The following CARS2 variants were observed in gnomAD, a reference collection of about 807,000 sequenced individuals.
CARS2 encodes probable cysteine--tRNA ligase, mitochondrial.
Under a neutral mutation model 68.8 loss-of-function variants are expected in CARS2, and 52 were observed. The observed-to-expected ratio is 0.76, with a 90% CI of 0.61 to 0.95. The LOEUF (loss-of-function observed/expected upper bound fraction) is 0.95, where lower values mean the gene tolerates loss of function less well. Among genes scored for constraint, CARS2 ranks in the 40% least tolerant of loss-of-function variants. CARS2 has a pLI of 0.00. For synonymous variants in CARS2, 314 were observed against 303.6 expected, an observed-to-expected ratio of 1.03 and a Z score of -0.36; for missense variants, 780 against 754.2, an observed-to-expected ratio of 1.03 and a Z score of -0.40.
chr13:110,713,465 T>G (rs1406156940), exon 1 of CARS2: 1 of 990,062 alleles, frequency 1.0e-6, no homozygotes, highest in South Asian at 4.4e-5. Flanking sequence ...TCGCCCGCCG[T>G]CCACACCCCA....
chr13:110,650,914 A>G, intron 10 of CARS2, 120 bp downstream of exon 10: 3 of 734,458 alleles, frequency 4.1e-6, no homozygotes, highest in Non-Finnish European at 4.7e-6. Flanking sequence ...TAAGGCACAC[A>G]GCAGCCTCAC....
At position 110,663,120 on chromosome 13, in the gene CARS2, C is replaced by T. The variant is rs955342388; in HGVS notation, c.987+331G>A. ...ACCAGTAAGAGGTGGTGGGTGAGGGCGGGAAGGAAGTCAGCAGATGCACCA... is the reference window on the plus strand; with the variant it reads ...ACCAGTAAGAGGTGGTGGGTGAGGGTGGGAAGGAAGTCAGCAGATGCACCA... On this transcript the variant is annotated intron_variant, in intron 9 of 14. Coordinates refer to ENST00000257347, the MANE Select transcript of CARS2 (RefSeq NM_024537.4). The T allele has an allele frequency of 2.6e-5, 13 of 504,246 alleles. 1 individual carries two copies. Among genetic ancestry groups the T allele is most frequent in the Admixed American group, 1.8e-4 (8 of 43,648 alleles). The allele number at this position is 504,246 out of a possible 1,614,324, so 31.2% of individuals were successfully genotyped here. A position where few individuals can be genotyped will look rare whatever the true frequency, so the allele number is the denominator to read the frequency against.
At position 110,642,316 on chromosome 13, in the gene CARS2, TTGA is replaced by T. The variant is rs1340537305; in HGVS notation, c.1619_1621del (p.Ile540del). The T allele has an allele frequency of 6.5e-7, 1 of 1,549,326 alleles. No homozygotes were observed. Among genetic ancestry groups the T allele is most frequent in the Non-Finnish European group, 8.7e-7 (1 of 1,146,236 alleles). The stretch of plus-strand genomic sequence containing the variant: ...CCCTGACCTTGGTGCGGCACTCACC[TTGA>T]TGTTGATGCCGTGGGCAGTCAGGCC... On this transcript the variant is annotated inframe_deletion and splice_region_variant, in exon 14 of 15. Coordinates refer to ENST00000257347, the MANE Select transcript of CARS2 (RefSeq NM_024537.4).
At chr13:110,663,563 C>G in intron 8 of CARS2, 45 bp from the exon 9 acceptor site, 1 of 1,603,714 alleles carries the variant, frequency 6.2e-7, no homozygotes, top group South Asian at 1.1e-5. Context: ...GGTGAGGAGA[C>G]TCTCTGGCCT....
chr13:110,663,701 T>C, intron 8 of CARS2, 183 bp from the exon 9 acceptor site: 1 of 1,387,932 alleles, frequency 7.2e-7, no homozygotes, highest in Non-Finnish European at 9.3e-7. Context: ...AGACAGGACC[T>C]GCCCTTGTTC....
In CARS2 at chr13:110,679,549, AAAAG is replaced by A. The variant is rs796611242; in HGVS notation, c.656-2450_656-2447del. Among the ~76,000 whole-genome samples the A allele has an allele frequency of 1.0e-4, 11 of 108,316 alleles. No homozygotes were observed. In the South Asian group the frequency reaches 1.4e-3, roughly 14 times the overall value. 71.1% of individuals were successfully genotyped at this position (108,316 alleles called of 152,430 possible). Reference sequence around the variant, plus strand: ...CTATCTCAAAAAAACAAAAGAAAAGAAAAGAAAGAAAGAAAGAAAGAGAGAGAAA... The same window carrying A: ...CTATCTCAAAAAAACAAAAGAAAAGAAAAGAAAGAAAGAAAGAGAGAGAAA... On this transcript the variant is annotated intron_variant, in intron 6 of 14. Coordinates refer to ENST00000257347, the MANE Select transcript of CARS2 (RefSeq NM_024537.4).
In CARS2 at chr13:110,651,152, C is replaced by G. The variant is rs751045597; in HGVS notation, c.988-52G>C. 4 of 1,251,372 alleles carry G rather than the reference C, an allele frequency of 3.2e-6. No individual in the cohort carries two copies. The Admixed American group carries it at 7.0e-5, about 22-fold the overall frequency. 77.5% of individuals were successfully genotyped at this position (1,251,372 alleles called of 1,614,324 possible). A position where few individuals can be genotyped will look rare whatever the true frequency, so the allele number is the denominator to read the frequency against. On this transcript the variant is annotated intron_variant, in intron 9 of 14. Coordinates refer to ENST00000257347, the MANE Select transcript of CARS2 (RefSeq NM_024537.4). ...CGAGGCTTTGCTTTTACGCTTCGCACTGTTCAGAGAATATGTTACTTTCTA... is the reference window on the plus strand; with the variant it reads ...CGAGGCTTTGCTTTTACGCTTCGCAGTGTTCAGAGAATATGTTACTTTCTA...
chr13:110,694,029 T>C (rs2063551272), intron 3 of CARS2, among the ~76,000 whole-genome samples: 1 of 151,950 alleles, frequency 6.6e-6, no homozygotes, highest in African/African-American at 2.4e-5. Flanking sequence ...TTTTTTTGTT[T>C]TGTTTTTTAT....
rs1291928250 is a variant in CARS2 at position 110,641,619 on chromosome 13, A to T, written c.1624-11T>A. 2 of 1,611,032 alleles carry T rather than the reference A, an allele frequency of 1.2e-6. No homozygotes were observed. The highest frequency in any genetic ancestry group is 1.3e-5 in the African/African-American group (1 of 74,872). ...TGTACTGCTTCTGTCCTGGAGAAGAAGAGTGAGGTCCAACTCTGAGCAGAC... is the reference window on the plus strand; with the variant it reads ...TGTACTGCTTCTGTCCTGGAGAAGATGAGTGAGGTCCAACTCTGAGCAGAC... On this transcript the variant is annotated splice_polypyrimidine_tract_variant and intron_variant, in intron 14 of 14. Coordinates refer to ENST00000257347, the MANE Select transcript of CARS2 (RefSeq NM_024537.4).
At chr13:110,712,575 C>A (rs966224868) in intron 1 of CARS2, 2 of 331,364 alleles carry the variant, frequency 6.0e-6, no homozygotes. Flanking sequence ...GCAACGGGCT[C>A]GCGTGGCGTC....
At chr13:110,708,370 G>A (rs1436899977), upstream of CARS2, among the ~76,000 whole-genome samples, 1 of 152,218 alleles carries the variant, frequency 6.6e-6, no homozygotes, top group Non-Finnish European at 1.5e-5. Flanking sequence ...GAGAACACAC[G>A]AATTCAAGGA....
At chr13:110,687,908 G>A (rs2063349289) in intron 4 of CARS2, 39 bp downstream of exon 4, 1 of 1,582,066 alleles carries the variant, frequency 6.3e-7, no homozygotes, top group Non-Finnish European at 8.7e-7. Context: ...GCTCACGCCT[G>A]TCACCCTCAT....
chr13:110,650,934 T>C (rs2139699634), intron 10 of CARS2, 100 bp downstream of exon 10: 2 of 836,546 alleles, frequency 2.4e-6, no homozygotes, highest in South Asian at 1.5e-5. Flanking sequence ...CTCAACAAGG[T>C]TCTGCTTATT....
chr13:110,654,607 C>T (rs2062312864), intron 9 of CARS2, among the ~76,000 whole-genome samples: 1 of 151,756 alleles, frequency 6.6e-6, no homozygotes, highest in South Asian at 2.1e-4. Flanking sequence ...AATCTAGTTG[C>T]CATTCTTCAC....
rs1178279458 is a variant in CARS2 at position 110,646,015 on chromosome 13, G to T, written c.1269C>A (p.Ile423=). The T allele has an allele frequency of 9.9e-6, 16 of 1,613,894 alleles. No individual in the cohort carries two copies. Among genetic ancestry groups the T allele is most frequent in the Non-Finnish European group, 1.3e-5 (15 of 1,179,984 alleles). ...DFDTPRVVDA[I]LGLAHHGNGQ... is the part of the protein sequence containing the mutation. ...CATTCCCGTGGTGTGCAAGGCCCAG[G>T]ATGGCATCAACCACCCTGGGTGTGT... The change falls in exon 12 of 15, where the codon ATC becomes ATA. Residue 423 remains isoleucine, a synonymous_variant. Transcript: ENST00000257347.
chr13:110,664,991 G>A (rs2062610010), intron 8 of CARS2: 1 of 984,928 alleles, frequency 1.0e-6, no homozygotes, highest in Admixed American at 6.1e-5. Flanking sequence ...CTAACAGGCT[G>A]GGATAGTGTC....
At chr13:110,651,006 G>A (rs189897575) in intron 10 of CARS2, 28 bp downstream of exon 10, 9 of 1,557,332 alleles carry the variant, frequency 5.8e-6, no homozygotes, top group African/African-American at 2.7e-5. Flanking sequence ...GCTGGGGGGG[G>A]AGTCCACTCC....
intron 6 of CARS2, among the ~76,000 whole-genome samples, chr13:110,679,596 A>AG (rs764283728): frequency 0.18 from 2,339 of 13,254 alleles, 40 homozygotes; most frequent in Middle Eastern, 0.44. Context: ...AGAAAGAAAG[A>AG]AAGAGAGAGA....
At chr13:110,666,581 G>A (rs1255522045) in intron 8 of CARS2, 6 of 985,268 alleles carry the variant, frequency 6.1e-6, no homozygotes, top group Non-Finnish European at 7.2e-6. Flanking sequence ...AAACCCAAGT[G>A]AACTCTGCTG....
Sources: allele counts gnomAD v4.1 joint callset (sites outside exome capture counted in the v4.1 genomes callset), GRCh38; gene constraint gnomAD v4.1.1; transcripts MANE v1.5; gene names NCBI Gene and HGNC (gene_info 2026-07-23, HGNC 2026-07-21).